CFAP58: variants seen among roughly 807,000 people sequenced by gnomAD.
CFAP58 encodes the protein cilia- and flagella-associated protein 58.
A neutral mutation model predicts 119.5 loss-of-function variants in CFAP58; 88 were observed. The ratio of observed to expected loss-of-function variants is 0.74; its 90% CI spans 0.62 to 0.88. The LOEUF (loss-of-function observed/expected upper bound fraction) is 0.88. Ranked by LOEUF, CFAP58 falls within the 40% of genes least tolerant of loss-of-function variation. The pLI is 0.00. For synonymous variants in CFAP58, 365 were observed against 366.3 expected (o/e 1.00, Z 0.04); for missense variants, 990 against 1,021.2 (o/e 0.97, Z 0.42).
At chr10:104,454,164 A>G (rs1234988677) in intron 17 of CFAP58, among the ~76,000 whole-genome samples, 4 of 152,222 alleles carry the variant, frequency 2.6e-5, no homozygotes, top group African/African-American at 9.6e-5. Context: ...CACCAAATAC[A>G]TAGTGCTTGA....
intron 9 of CFAP58, 63 bp downstream of exon 9, chr10:104,380,283 G>A: frequency 7.2e-7 from 1 of 1,380,886 alleles, no homozygotes; most frequent in Non-Finnish European, 1.0e-6. Context: ...CATTTCTGAT[G>A]GTCACAAACT....
chr10:104,397,821 C>A (rs1398908479), intron 11 of CFAP58, among the ~76,000 whole-genome samples: 3 of 152,198 alleles, frequency 2.0e-5, no homozygotes, highest in Admixed American at 6.5e-5. Flanking sequence ...GGGCATGGAA[C>A]CTCTCAAAGG....
Position 104,364,724 on chromosome 10 carries a change from C to T in CFAP58, c.441-9C>T, listed in dbSNP as rs1259871056. 1.2e-6 allele frequency: 2 copies of T among 1,612,350 alleles called. No homozygotes were observed. Among genetic ancestry groups the T allele is most frequent in the Non-Finnish European group, 1.7e-6 (2 of 1,179,298 alleles). ...CATTTAGTCTGACTCCTGTGTTCTT[C>T]CTTTTTAGCATCCGAGATTTACTGA... On this transcript the variant is annotated splice_polypyrimidine_tract_variant and intron_variant, in intron 3 of 17. Transcript: ENST00000369704.
chr10:104,429,610 T>C (rs1240644520), intron 15 of CFAP58, among the ~76,000 whole-genome samples: 3 of 152,222 alleles, frequency 2.0e-5, no homozygotes, highest in Non-Finnish European at 4.4e-5. Context: ...CTCTTTGATA[T>C]TGAATATTAC....
the CFAP58 span, among the ~76,000 whole-genome samples, chr10:104,348,306 AAGT>A: frequency 6.6e-6 from 1 of 152,154 alleles, no homozygotes; most frequent in Non-Finnish European, 1.5e-5. Flanking sequence ...GTAGGCCTGC[AAGT>A]CAGTGTTTCT....
In CFAP58 at chr10:104,362,034, G is replaced by T; in HGVS notation, c.303G>T (p.Lys101Asn). Reference sequence around the variant, plus strand: ...TATGGCCCATCTAGGAAATTGAAAAGGCCTGGAAGATGGTGGACTCAGCCT... The same window carrying T: ...TATGGCCCATCTAGGAAATTGAAAATGCCTGGAAGATGGTGGACTCAGCCT... ...TIASLKKEIE[K>N]AWKMVDSAYD... Residue 101 changes from lysine to asparagine, a missense_variant, in exon 3 of 18, where the codon AAG (lysine) becomes AAT (asparagine). By Grantham distance (94) the Lys-to-Asn change is moderately conservative. Coordinates refer to ENST00000369704, the MANE Select transcript of CFAP58 (RefSeq NM_001008723.2). The T allele has an allele frequency of 6.2e-7, 1 of 1,613,808 alleles. No homozygotes were observed. Among genetic ancestry groups the T allele is most frequent in the Non-Finnish European group, 8.5e-7 (1 of 1,179,878 alleles).
At chr10:104,356,725 A>G (rs1318565870) in intron 1 of CFAP58, among the ~76,000 whole-genome samples, 2 of 151,642 alleles carry the variant, frequency 1.3e-5, no homozygotes, top group Non-Finnish European at 1.5e-5. Flanking sequence ...CTGTGGGTTC[A>G]TAGAGAACTT....
chr10:104,392,211 C>G (rs1231019541), intron 9 of CFAP58, 22 bp from the exon 10 acceptor site: 5 of 1,604,184 alleles, frequency 3.1e-6, no homozygotes. Flanking sequence ...TAACCACATT[C>G]ATATATGTCT....
chr10:104,413,804 A>G (rs1237172381), intron 15 of CFAP58, among the ~76,000 whole-genome samples: 2 of 152,080 alleles, frequency 1.3e-5, no homozygotes, highest in African/African-American at 4.8e-5. Flanking sequence ...CATCATCATC[A>G]TCATCAAGAT....
intron 15 of CFAP58, among the ~76,000 whole-genome samples, chr10:104,407,627 C>A (rs2012386539): frequency 6.6e-6 from 1 of 152,124 alleles, no homozygotes. Context: ...TTAGTATTAT[C>A]CATGGTAACA....
At chr10:104,389,647 C>T (rs984279768) in intron 9 of CFAP58, among the ~76,000 whole-genome samples, 2 of 152,150 alleles carry the variant, frequency 1.3e-5, no homozygotes, top group Non-Finnish European at 2.9e-5. Context: ...ATGGTGAAGT[C>T]ACACCCTACA....
chr10:104,446,009 T>C lies in CFAP58; in HGVS notation c.2257-1689T>C, dbSNP rs1396425553. 1.2e-4 allele frequency among the ~76,000 whole-genome samples: 19 copies of C among 152,218 alleles called. No individual in the cohort carries two copies. In the East Asian group the frequency reaches 3.7e-3, roughly 29 times the overall value. The stretch of plus-strand genomic sequence containing the variant: ...CTTTGCAAGTCTATCTGTACTCTGG[T>C]ATAGAGAAAGGTGAGCTGAAAGAAA... On this transcript the variant is annotated intron_variant, in intron 15 of 17. Transcript: ENST00000369704.
rs1284014425 is a variant in CFAP58, at chr10:104,366,007, A to G, written c.791A>G (p.Lys264Arg). ...CTGGAGCAGCAGCTGAAGGAGCAGA[A>G]GGTGAGTTGGGTGTGGGTCTTCGCA... Reference protein sequence around the residue: ...QKLEQQLKEQKILNERAAKEL... With the variant: ...QKLEQQLKEQRILNERAAKEL... The change falls in exon 5 of 18, where the codon AAG becomes AGG. Residue 264 changes from lysine (K) to arginine (R), a missense_variant and splice_region_variant. By Grantham distance (26) the Lys-to-Arg change is conservative (BLOSUM62 2). Coordinates refer to ENST00000369704, the MANE Select transcript of CFAP58 (RefSeq NM_001008723.2). 1.9e-6 allele frequency: 3 copies of G among 1,596,508 alleles called. No homozygotes were observed. The highest frequency in any genetic ancestry group is 2.6e-6 in the Non-Finnish European group (3 of 1,172,984).
chr10:104,429,970 C>T (rs2012817368), intron 15 of CFAP58, among the ~76,000 whole-genome samples: 1 of 152,084 alleles, frequency 6.6e-6, no homozygotes. Context: ...GGGTCTGCAC[C>T]TGCAGAGTCA....
chr10:104,360,660 T>C (rs1004663553), intron 2 of CFAP58, among the ~76,000 whole-genome samples: 1 of 152,148 alleles, frequency 6.6e-6, no homozygotes, highest in African/African-American at 2.4e-5. Context: ...AAGGCCCCAG[T>C]GTGTGTTATT....
chr10:104,417,111 C>G (rs1245745504), intron 15 of CFAP58, among the ~76,000 whole-genome samples: 1 of 152,232 alleles, frequency 6.6e-6, no homozygotes. Flanking sequence ...CTGGTTCAGT[C>G]TGAGAAACAC....
intron 17 of CFAP58, among the ~76,000 whole-genome samples, chr10:104,453,761 A>AGTGTGTGT (rs56666132): frequency 0.043 from 5,961 of 138,858 alleles, 401 homozygotes; most frequent in African/African-American, 0.15. Context: ...CATGAATATG[A>AGTGTGTGT]GTGTGTGTGT....
At chr10:104,400,602 T>C in intron 12 of CFAP58, 78 bp from the exon 13 acceptor site, 3 of 1,201,288 alleles carry the variant, frequency 2.5e-6, no homozygotes, top group South Asian at 1.2e-5. Flanking sequence ...TAGATACTCA[T>C]TGAATGAATG....
At position 104,406,801 on chromosome 10, in the gene CFAP58, T is replaced by C. The variant is rs1320313188; in HGVS notation, c.2256+8T>C. ...AAAGAGCTGCTCCTCCAGGTAGCATTTTTGTTTTCTGTACTCATTGTACAA... is the reference window on the plus strand; with the variant it reads ...AAAGAGCTGCTCCTCCAGGTAGCATCTTTGTTTTCTGTACTCATTGTACAA... On this transcript the variant is annotated splice_region_variant and intron_variant, in intron 15 of 17. Transcript: ENST00000369704. 6.2e-7 allele frequency: 1 copy of C among 1,611,318 alleles called. No homozygotes were observed.
Sources: gnomAD v4.1 joint callset for allele counts (sites outside exome capture counted in the v4.1 genomes callset) on GRCh38, gnomAD v4.1.1 for gene constraint, MANE v1.5 for transcripts, NCBI Gene and HGNC (gene_info 2026-07-23, HGNC 2026-07-21) for gene names.